The following AP1G1 variants were observed in gnomAD, a reference collection of about 807,000 sequenced individuals.
AP1G1 encodes AP-1 complex subunit gamma-1.
In AP1G1, 7 loss-of-function variants were observed where a neutral mutation model predicts 108.3. That is an observed-to-expected ratio of 0.06 (90% confidence interval 0.04 to 0.12). AP1G1 has a LOEUF of 0.12. Ranked by LOEUF, AP1G1 falls within the 10% of genes least tolerant of loss-of-function variation. AP1G1 has a pLI of 1.00. For synonymous variants in AP1G1, 379 were observed against 353.5 expected (o/e 1.07, Z -0.81); for missense variants, 756 against 1,010.7 (o/e 0.75, Z 3.42).
chr16:71,767,805 G>A (rs2031375692), intron 6 of AP1G1: 1 of 1,435,030 alleles, frequency 7.0e-7, no homozygotes, highest in African/African-American at 1.4e-5. Flanking sequence ...AGCCACATTT[G>A]TGGATCGATA....
At position 71,750,259 on chromosome 16, in the gene AP1G1, G is replaced by A. The variant is rs1449160622; in HGVS notation, c.1358C>T (p.Ala453Val). ...TTTGTACAGGCGCTGGACAGTATAGGCATGCATCTCCACACTATTAGTTAT... is the reference window on the plus strand; with the variant it reads ...TTTGTACAGGCGCTGGACAGTATAGACATGCATCTCCACACTATTAGTTAT... The part of the protein sequence containing the change: ...QLITNSVEMH[A>V]YTVQRLYKAI... The change falls in exon 14 of 23, where the codon GCC becomes GTC. Residue 453 changes from alanine (A) to valine (V), a missense_variant. Around this residue, in one of 3 missense-constraint regions of AP1G1, gnomAD observed 357 missense variants for 366.5 expected, o/e 0.97. Coordinates refer to ENST00000299980, the MANE Select transcript of AP1G1 (RefSeq NM_001128.6). 2 of 1,613,864 alleles carry A rather than the reference G, an allele frequency of 1.2e-6. No individual in the cohort carries two copies. Among genetic ancestry groups the A allele is most frequent in the South Asian group, 1.1e-5 (1 of 91,072 alleles).
intron 1 of AP1G1, chr16:71,808,061 G>A (rs926459034): frequency 2.9e-5 from 34 of 1,176,782 alleles, no homozygotes; most frequent in Middle Eastern, 2.7e-4. Context: ...TCCTAACCGG[G>A]AAACACAATC....
intron 1 of AP1G1, chr16:71,808,356 C>G: frequency 1.2e-6 from 1 of 835,750 alleles, no homozygotes; most frequent in South Asian, 1.8e-5. Flanking sequence ...ATCTGACAGA[C>G]CTGACACGGG....
At chr16:71,734,466 G>A (rs927003511) in intron 22 of AP1G1, 143 bp downstream of exon 22, 7 of 682,502 alleles carry the variant, frequency 1.0e-5, no homozygotes, top group African/African-American at 1.8e-5. Flanking sequence ...ATTTACAAAA[G>A]AGCAAGGAAG....
At chr16:71,785,789 G>A (rs931982319) in intron 2 of AP1G1, among the ~76,000 whole-genome samples, 5 of 152,042 alleles carry the variant, frequency 3.3e-5, no homozygotes, top group African/African-American at 9.7e-5. Flanking sequence ...GGCTGAGGAA[G>A]GAGAATGGCG....
At chr16:71,752,834 A>C (rs1330595687) in intron 13 of AP1G1, among the ~76,000 whole-genome samples, 1 of 152,176 alleles carries the variant, frequency 6.6e-6, no homozygotes, top group Non-Finnish European at 1.5e-5. Context: ...ATGATACCTC[A>C]ATTTTACTTT....
Position 71,760,165 on chromosome 16 carries a change from C to A in AP1G1, c.975-1244G>T, listed in dbSNP as rs184970478. ...GATTACAGGTGTGAGCCACCACGCC[C>A]GGCAATCCAAGTGTTCTTTAGAAGG... On this transcript the variant is annotated intron_variant, in intron 10 of 22. Transcript: ENST00000299980. 1.4e-3 allele frequency among the ~76,000 whole-genome samples: 217 copies of A among 151,946 alleles called. 2 individuals carry two copies. Among genetic ancestry groups the A allele is most frequent in the African/African-American group, 5.0e-3 (206 of 41,452 alleles).
chr16:71,788,215 A>G (rs1431195153), intron 2 of AP1G1, among the ~76,000 whole-genome samples: 1 of 152,202 alleles, frequency 6.6e-6, no homozygotes, highest in Non-Finnish European at 1.5e-5. Context: ...GCTGATGACT[A>G]TCTTTCCTGA....
chr16:71,788,496 C>T (rs552117737), intron 2 of AP1G1, among the ~76,000 whole-genome samples: 16 of 152,154 alleles, frequency 1.1e-4, no homozygotes, highest in Middle Eastern at 3.4e-3. Flanking sequence ...GAATCAGCTG[C>T]CAGATCTGCT....
chr16:71,779,995 G>GTTT (rs573581952), intron 2 of AP1G1, among the ~76,000 whole-genome samples: 6 of 129,634 alleles, frequency 4.6e-5, no homozygotes, highest in Non-Finnish European at 8.3e-5. Context: ...GTTTTTTTTT[G>GTTT]TTTTTTTTTT....
chr16:71,764,827 A>G, intron 7 of AP1G1, 101 bp from the exon 8 acceptor site: 1 of 698,620 alleles, frequency 1.4e-6, no homozygotes, highest in South Asian at 2.0e-5. Context: ...TTAGAAATTC[A>G]TTTGGAACCA....
At position 71,745,539 on chromosome 16, in the gene AP1G1, A is replaced by G. The variant is rs780396350; in HGVS notation, c.1806T>C (p.Asn602=). 5 of 1,614,088 alleles carry G rather than the reference A, an allele frequency of 3.1e-6. No individual in the cohort carries two copies. Among genetic ancestry groups the G allele is most frequent in the Admixed American group, 1.7e-5 (1 of 60,018 alleles). The change falls in exon 18 of 23, where the codon AAT becomes AAC. Residue 602 remains asparagine, a synonymous_variant. Transcript: ENST00000299980. ...TNGPTEIVQT[N]GETEPAPLET... The stretch of plus-strand genomic sequence containing the variant: ...CTAGTGGAGCTGGTTCTGTCTCTCC[A>G]TTTGTCTGCACAATCTCAGTAGGGC...
intron 4 of AP1G1, chr16:71,772,995 G>A (rs1233319885): frequency 3.2e-6 from 2 of 620,308 alleles, no homozygotes; most frequent in Admixed American, 4.5e-5. Context: ...GATAACTTAG[G>A]AATTTGGTAT....
intron 2 of AP1G1, among the ~76,000 whole-genome samples, chr16:71,781,712 G>T (rs1385346638): frequency 6.6e-6 from 1 of 152,124 alleles, no homozygotes; most frequent in Non-Finnish European, 1.5e-5. Flanking sequence ...TCCCACTTTT[G>T]AATATAAACT....
intron 9 of AP1G1, among the ~76,000 whole-genome samples, chr16:71,762,151 C>T (rs1430782752): frequency 1.3e-5 from 2 of 152,044 alleles, no homozygotes; most frequent in African/African-American, 2.4e-5. Context: ...TACTATGGCA[C>T]ACCCATGCAA....
At chr16:71,806,779 C>G (rs1306877033) in intron 1 of AP1G1, 1 of 1,129,570 alleles carries the variant, frequency 8.9e-7, no homozygotes, top group African/African-American at 1.6e-5. Context: ...ACAGAACTCA[C>G]GTATCTAATA....
chr16:71,774,996 C>CA (rs1450665330), intron 2 of AP1G1, among the ~76,000 whole-genome samples: 7 of 145,054 alleles, frequency 4.8e-5, no homozygotes, highest in Admixed American at 1.4e-4. Flanking sequence ...GCTGGGATTA[C>CA]AGGCATGAGC....
In AP1G1 at chr16:71,808,225, A is replaced by G; in HGVS notation, c.-4+538T>C. The G allele has an allele frequency of 3.7e-6, 4 of 1,071,886 alleles. No homozygotes were observed. The South Asian group carries it at 8.5e-5, about 23-fold the overall frequency. 66.4% of individuals were successfully genotyped at this position (1,071,886 alleles called of 1,614,324 possible). A position where few individuals can be genotyped will look rare whatever the true frequency, so the allele number is the denominator to read the frequency against. On this transcript the variant is annotated intron_variant, in intron 1 of 22. Transcript: ENST00000299980. The stretch of plus-strand genomic sequence containing the variant: ...ACAACAACATATACACACACACACG[A>G]AAAATTGGGAAAGAAGTTGGTCGGA...
intron 19 of AP1G1, 113 bp downstream of exon 19, chr16:71,745,029 ATT>A: frequency 8.8e-7 from 1 of 1,142,264 alleles, no homozygotes; most frequent in East Asian, 2.3e-5. Context: ...CTTGCTTCTG[ATT>A]TAGCCTCTCC....
Sources: gnomAD v4.1 joint callset for allele counts (sites outside exome capture counted in the v4.1 genomes callset) on GRCh38, gnomAD v4.1.1 for gene constraint, gnomAD v4.1.1 regional missense constraint, MANE v1.5 for transcripts, NCBI Gene and HGNC (gene_info 2026-07-23, HGNC 2026-07-21) for gene names.